GPBAR1: variants seen among roughly 807,000 people sequenced by gnomAD.
GPBAR1 encodes the protein G-protein coupled bile acid receptor 1.
Under a neutral mutation model 13.0 loss-of-function variants are expected in GPBAR1, and 13 were observed. The ratio of observed to expected loss-of-function variants is 1.00; its 90% CI spans 0.65 to 1.59. The LOEUF is 1.59. Ranked by LOEUF, GPBAR1 falls within the 40% of genes most tolerant of loss-of-function variation. The pLI is 0.00. For synonymous variants in GPBAR1, 193 were observed against 205.2 expected, an observed-to-expected ratio of 0.94 and a Z score of 0.51; for missense variants, 398 against 436.4, an observed-to-expected ratio of 0.91 and a Z score of 0.78.
At position 218,263,071 on chromosome 2, in the gene GPBAR1, G is replaced by T. The variant is rs199550995; in HGVS notation, c.347G>T (p.Arg116Met). Residue 116 changes from arginine to methionine, a missense_variant, in exon 2 of 2, where the codon AGG (arginine) becomes ATG (methionine). Arg to Met is a moderately conservative substitution (Grantham distance 91). Transcript: ENST00000519574. The surrounding 1 kb of genome is among the most constrained non-coding windows in gnomAD (Gnocchi z 4.2). ...GGGGAGCGCTACATGGCAGTCCTGA[G>T]GCCACTCCAGCCCCCTGGGAGCATT... ...VHGERYMAVL[R>M]PLQPPGSIRL... 5 of 1,613,528 alleles carry T rather than the reference G, an allele frequency of 3.1e-6. No homozygotes were observed. Among genetic ancestry groups the T allele is most frequent in the Non-Finnish European group, 3.4e-6 (4 of 1,179,864 alleles).
In GPBAR1 at chr2:218,262,978, G is replaced by A; in HGVS notation, c.254G>A (p.Cys85Tyr). Residue 85 changes from cysteine (C) to tyrosine (Y), a missense_variant, in exon 2 of 2, where the codon TGC becomes TAC. By Grantham distance (194) the Cys-to-Tyr change is radical. Transcript: ENST00000519574. The surrounding 1 kb of genome is among the most constrained non-coding windows in gnomAD (Gnocchi z 5.1). The stretch of plus-strand genomic sequence containing the variant: ...CAGAGTCGCCGGGGTTACTGGTCCT[G>A]CCTCCTCGTCTACTTGGCTCCCAAC... ...WNQSRRGYWS[C>Y]LLVYLAPNFS... 1.2e-6 allele frequency: 2 copies of A among 1,613,892 alleles called. No individual in the cohort carries two copies. Among genetic ancestry groups the A allele is most frequent in the Middle Eastern group, 1.6e-4 (1 of 6,062 alleles).
chr2:218,259,606 T>C (rs1363242853), upstream of GPBAR1: 2 of 152,346 alleles, frequency 1.3e-5, no homozygotes, highest in Admixed American at 1.3e-4. Flanking sequence ...CTTCCCACTT[T>C]TTGTCCCAAC....
At position 218,262,837 on chromosome 2, in the gene GPBAR1, G is replaced by A. The variant is rs777199090; in HGVS notation, c.113G>A (p.Gly38Asp). Residue 38 changes from glycine to aspartate, a missense_variant, in exon 2 of 2, where the codon GGC (glycine) becomes GAC (aspartate). Coordinates refer to ENST00000519574, the MANE Select transcript of GPBAR1 (RefSeq NM_170699.3). This position sits in a 1 kb window ranked among gnomAD's most constrained non-coding sequence, Gnocchi z 5.1. ...IITANLLLAL[G>D]IAWDRRLRSP... is the part of the protein sequence containing the mutation. ...ACCGCGAACCTGCTCCTAGCCCTGG[G>A]CATCGCCTGGGACCGCCGCCTGCGC... 3.1e-6 allele frequency: 5 copies of A among 1,613,498 alleles called. No homozygotes were observed. Among genetic ancestry groups the A allele is most frequent in the Admixed American group, 1.7e-5 (1 of 59,960 alleles).
upstream of GPBAR1, among the ~76,000 whole-genome samples, chr2:218,260,381 C>CGTAT (rs1690381798): frequency 6.6e-6 from 1 of 152,200 alleles, no homozygotes. Flanking sequence ...CATCAAGGGC[C>CGTAT]ATGCACTGGG....
At chr2:218,261,436 T>G (rs952610212) in intron 1 of GPBAR1, among the ~76,000 whole-genome samples, 2 of 151,930 alleles carry the variant, frequency 1.3e-5, no homozygotes, top group Non-Finnish European at 2.9e-5. Flanking sequence ...TCAGGCCAGG[T>G]TTGGGGTAAT....
intron 1 of GPBAR1, chr2:218,261,941 C>G (rs1284365087): frequency 6.5e-6 from 1 of 153,216 alleles, no homozygotes; most frequent in Non-Finnish European, 1.5e-5. Context: ...GACTCCTCTT[C>G]CCTCTCCTCT....
chr2:218,261,785 A>G (rs1044901444), intron 1 of GPBAR1, among the ~76,000 whole-genome samples: 3 of 152,112 alleles, frequency 2.0e-5, no homozygotes, highest in African/African-American at 7.2e-5. Flanking sequence ...CCCTGTTGAC[A>G]GAAGCAGGAG....
Position 218,262,863 on chromosome 2 carries a change from A to G in GPBAR1, c.139A>G (p.Ser47Gly), listed in dbSNP as rs1690469094. The G allele has an allele frequency of 1.2e-6, 2 of 1,613,754 alleles. No homozygotes were observed. The change falls in exon 2 of 2, where the codon AGC (serine) becomes GGC (glycine). Residue 47 changes from serine to glycine, a missense_variant. Physicochemically the swap from Ser to Gly is moderately conservative, Grantham distance 56 (BLOSUM62 0). Transcript: ENST00000519574. This position sits in a 1 kb window ranked among gnomAD's most constrained non-coding sequence, Gnocchi z 5.1. The stretch of plus-strand genomic sequence containing the variant: ...CATCGCCTGGGACCGCCGCCTGCGC[A>G]GCCCACCTGCTGGCTGCTTCTTCCT... ...LGIAWDRRLR[S>G]PPAGCFFLSL...
At chr2:218,261,900 T>A (rs1690426011) in intron 1 of GPBAR1, among the ~76,000 whole-genome samples, 1 of 152,108 alleles carries the variant, frequency 6.6e-6, no homozygotes, top group Non-Finnish European at 1.5e-5. Context: ...CAGGGACAGA[T>A]GAGAGCCACA....
chr2:218,260,973 G>A (rs1471623854), upstream of GPBAR1: 1 of 152,112 alleles, frequency 6.6e-6, no homozygotes, highest in East Asian at 1.9e-4. Context: ...CCAGAGGCGG[G>A]GCCAGGGCTG....
chr2:218,261,732 A>T (rs1329635862), intron 1 of GPBAR1, among the ~76,000 whole-genome samples: 1 of 151,952 alleles, frequency 6.6e-6, no homozygotes, highest in Non-Finnish European at 1.5e-5. Context: ...AGAGGTATGA[A>T]TCCTTTCCTT....
chr2:218,262,616 T>C lies in GPBAR1; in HGVS notation c.-45-64T>C. 8.2e-7 allele frequency: 1 copy of C among 1,224,276 alleles called. No individual in the cohort carries two copies. Among genetic ancestry groups the C allele is most frequent in the Non-Finnish European group, 1.1e-6 (1 of 906,770 alleles). 75.8% of individuals were successfully genotyped at this position (1,224,276 alleles called of 1,614,324 possible). A position where few individuals can be genotyped will look rare whatever the true frequency, so the allele number is the denominator to read the frequency against. ...GCGGGTCTGCGCCCCTGGATTAACA[T>C]GCTGCCCTGCCAGGAGGACACGACC... is the stretch of plus-strand genomic sequence containing the variant. On this transcript the variant is annotated intron_variant, in intron 1 of 1. Coordinates refer to ENST00000519574, the MANE Select transcript of GPBAR1 (RefSeq NM_170699.3). This position sits in a 1 kb window ranked among gnomAD's most constrained non-coding sequence, Gnocchi z 5.1.
chr2:218,262,854 C>A lies in GPBAR1; in HGVS notation c.130C>A (p.Arg44Ser). ...AGCCCTGGGCATCGCCTGGGACCGC[C>A]GCCTGCGCAGCCCACCTGCTGGCTG... The part of the protein sequence containing the change: ...LLALGIAWDR[R>S]LRSPPAGCFF... The change falls in exon 2 of 2, where the codon CGC (arginine) becomes AGC (serine). Residue 44 changes from arginine (R) to serine (S), a missense_variant. By Grantham distance (110) the Arg-to-Ser change is moderately radical. Coordinates refer to ENST00000519574, the MANE Select transcript of GPBAR1 (RefSeq NM_170699.3). The surrounding 1 kb of genome is among the most constrained non-coding windows in gnomAD (Gnocchi z 5.1). 1 of 1,613,736 alleles carries A rather than the reference C, an allele frequency of 6.2e-7. No homozygotes were observed. Among genetic ancestry groups the A allele is most frequent in the Non-Finnish European group, 8.5e-7 (1 of 1,179,832 alleles).
rs985967865 is a variant in GPBAR1 at position 218,263,478 on chromosome 2, G to A, written c.754G>A (p.Glu252Lys). The A allele has an allele frequency of 2.5e-6, 4 of 1,606,644 alleles. No homozygotes were observed. Among genetic ancestry groups the A allele is most frequent in the East Asian group, 2.2e-5 (1 of 44,564 alleles). ...ACTGCTCCTCTCAGTCCTGGCCTAT[G>A]AGCAGCGCCCGCCACTGGGGCCTGG... ...ATLLLSVLAY[E>K]QRPPLGPGTL... is the part of the protein sequence containing the mutation. The change falls in exon 2 of 2, where the codon GAG becomes AAG. Residue 252 changes from glutamate (E) to lysine (K), a missense_variant. Glu to Lys is a moderately conservative substitution (Grantham distance 56). Transcript: ENST00000519574. The surrounding 1 kb of genome is among the most constrained non-coding windows in gnomAD (Gnocchi z 4.2).
In GPBAR1 at chr2:218,263,655, CCCGG is replaced by C. The variant is rs761114189; in HGVS notation, c.934_937del (p.Gly312ProfsTer17). ...GTGGGGAAGAGCCTCCCGGGACAGT[CCCGG>C]CCCCAGCATTGCCTACCACCCAAGC... On this transcript the variant is annotated frameshift_variant, in exon 2 of 2. Coordinates refer to ENST00000519574, the MANE Select transcript of GPBAR1 (RefSeq NM_170699.3). LOFTEE classifies it high-confidence loss of function. The surrounding 1 kb of genome is among the most constrained non-coding windows in gnomAD (Gnocchi z 4.2). 6.2e-6 allele frequency: 10 copies of C among 1,612,914 alleles called. No individual in the cohort carries two copies. In the East Asian group the frequency reaches 2.2e-4, roughly 36 times the overall value.
rs1166944064 is a variant in GPBAR1, at chr2:218,262,995, G to C, written c.271G>C (p.Ala91Pro). The C allele has an allele frequency of 6.2e-7, 1 of 1,613,872 alleles. No individual in the cohort carries two copies. Among genetic ancestry groups the C allele is most frequent in the Non-Finnish European group, 8.5e-7 (1 of 1,179,852 alleles). Reference sequence around the variant, plus strand: ...CTGGTCCTGCCTCCTCGTCTACTTGGCTCCCAACTTCTCCTTCCTCTCCCT... The same window carrying C: ...CTGGTCCTGCCTCCTCGTCTACTTGCCTCCCAACTTCTCCTTCCTCTCCCT... ...GYWSCLLVYL[A>P]PNFSFLSLLA... Residue 91 changes from alanine (A) to proline (P), a missense_variant, in exon 2 of 2, where the codon GCT becomes CCT. Physicochemically the swap from Ala to Pro is conservative, Grantham distance 27 (BLOSUM62 -1). Transcript: ENST00000519574. The surrounding 1 kb of genome is among the most constrained non-coding windows in gnomAD (Gnocchi z 5.1).
At position 218,263,775 on chromosome 2, in the gene GPBAR1, G is replaced by C. The variant is rs1690542760; in HGVS notation, c.*58G>C. The C allele has an allele frequency of 1.2e-6, 2 of 1,601,496 alleles. No homozygotes were observed. Among genetic ancestry groups the C allele is most frequent in the Non-Finnish European group, 1.7e-6 (2 of 1,169,506 alleles). ...TCCGTCCAGCTCAGCCATCCAGCCT[G>C]TCTCTACCGGGCCCCACTTCTCTGG... On this transcript the variant is annotated 3_prime_UTR_variant, in exon 2 of 2. Coordinates refer to ENST00000519574, the MANE Select transcript of GPBAR1 (RefSeq NM_170699.3). The surrounding 1 kb of genome is among the most constrained non-coding windows in gnomAD (Gnocchi z 4.2).
At position 218,262,851 on chromosome 2, in the gene GPBAR1, C is replaced by T. The variant is rs199759333; in HGVS notation, c.127C>T (p.Arg43Cys). The T allele has an allele frequency of 1.8e-4, 286 of 1,613,680 alleles. No homozygotes were observed. The East Asian group carries it at 6.2e-3, about 35-fold the overall frequency. The stretch of plus-strand genomic sequence containing the variant: ...CCTAGCCCTGGGCATCGCCTGGGAC[C>T]GCCGCCTGCGCAGCCCACCTGCTGG... ...LLLALGIAWD[R>C]RLRSPPAGCF... Residue 43 changes from arginine to cysteine, a missense_variant, in exon 2 of 2, where the codon CGC becomes TGC. Arg to Cys is a radical substitution (Grantham distance 180). Coordinates refer to ENST00000519574, the MANE Select transcript of GPBAR1 (RefSeq NM_170699.3). The surrounding 1 kb of genome is among the most constrained non-coding windows in gnomAD (Gnocchi z 5.1).
At chr2:218,260,584 A>G (rs1690386579), upstream of GPBAR1, among the ~76,000 whole-genome samples, 2 of 152,172 alleles carry the variant, frequency 1.3e-5, no homozygotes, top group African/African-American at 4.8e-5. Context: ...AAAAGTGTGG[A>G]ATGACCCCAG....
Sources: gnomAD v4.1 joint callset for allele counts (sites outside exome capture counted in the v4.1 genomes callset) on GRCh38, gnomAD v4.1.1 for gene constraint, Gnocchi (gnomAD v3.1) non-coding constraint, MANE v1.5 for transcripts, NCBI Gene and HGNC (gene_info 2026-07-23, HGNC 2026-07-21) for gene names.